FSTL4: variants seen among roughly 807,000 people sequenced by gnomAD.
FSTL4 encodes follistatin like 4, also known as follistatin-related protein 4.
In FSTL4, 28 loss-of-function variants were observed where a neutral mutation model predicts 78.2. The ratio of observed to expected loss-of-function variants is 0.36; its 90% confidence interval spans 0.27 to 0.49. The LOEUF (loss-of-function observed/expected upper bound fraction) is 0.49, where lower values mean the gene tolerates loss of function less well. FSTL4 is among the 20% of genes least tolerant of loss of function. The pLI, the probability that FSTL4 is intolerant of heterozygous loss-of-function variation, is 0.98. For missense variants in FSTL4, 922 were observed against 1,084.9 expected (o/e 0.85, Z 2.11); for synonymous variants, 422 against 440.5 (o/e 0.96, Z 0.53).
At chr5:133,769,121 C>T in the FSTL4 span, among the ~76,000 whole-genome samples, 2 of 152,202 alleles carry the variant, frequency 1.3e-5, no homozygotes, top group Admixed American at 1.3e-4. Context: ...CCACATGTAC[C>T]TAAATCTTCT....
intron 2 of FSTL4, among the ~76,000 whole-genome samples, chr5:133,582,326 C>T (rs1285198634): frequency 1.3e-5 from 2 of 152,206 alleles, no homozygotes; most frequent in African/African-American, 4.8e-5. Context: ...TGGCATTAAC[C>T]TCCAGGAGCT....
chr5:133,695,901 C>A, the FSTL4 span, among the ~76,000 whole-genome samples: 6 of 152,208 alleles, frequency 3.9e-5, no homozygotes, highest in Non-Finnish European at 8.8e-5. Flanking sequence ...AAGTGGAGCC[C>A]AGGTTCCAAT....
the FSTL4 span, among the ~76,000 whole-genome samples, chr5:133,637,496 C>T: frequency 6.6e-6 from 1 of 152,098 alleles, no homozygotes; most frequent in Non-Finnish European, 1.5e-5. Flanking sequence ...ATGGAAGTTG[C>T]AGCCCAGTAA....
intron 6 of FSTL4, among the ~76,000 whole-genome samples, chr5:133,293,954 C>A (rs575802585): frequency 6.6e-6 from 1 of 152,278 alleles, no homozygotes; most frequent in Admixed American, 6.5e-5. Context: ...TTGTCCATGG[C>A]ACGGGACGAG....
chr5:133,442,225 C>T (rs1757173944), intron 3 of FSTL4, among the ~76,000 whole-genome samples: 1 of 152,212 alleles, frequency 6.6e-6, no homozygotes, highest in Non-Finnish European at 1.5e-5. Flanking sequence ...ATGTCCGTGC[C>T]ATGGGATAAC....
chr5:133,469,675 T>C (rs775070013), intron 3 of FSTL4, among the ~76,000 whole-genome samples: 11 of 152,154 alleles, frequency 7.2e-5, no homozygotes, highest in Non-Finnish European at 1.5e-4. Flanking sequence ...GAGACTCAAT[T>C]ACAATGTCTT....
intron 3 of FSTL4, among the ~76,000 whole-genome samples, chr5:133,545,388 G>C (rs1759555540): frequency 6.6e-6 from 1 of 152,154 alleles, no homozygotes; most frequent in South Asian, 2.1e-4. Flanking sequence ...AGTTACAAGA[G>C]TGTGTTATTA....
At chr5:133,565,526 G>A (rs1277964742) in intron 3 of FSTL4, among the ~76,000 whole-genome samples, 2 of 152,200 alleles carry the variant, frequency 1.3e-5, no homozygotes, top group Non-Finnish European at 2.9e-5. Flanking sequence ...TTTCTGTGAT[G>A]TTAGAACAAA....
At chr5:133,231,703 T>C (rs1041421746) in intron 8 of FSTL4, among the ~76,000 whole-genome samples, 6 of 152,034 alleles carry the variant, frequency 3.9e-5, no homozygotes, top group Non-Finnish European at 8.8e-5. Context: ...CCACCACACA[T>C]GGCTAATTTT....
the FSTL4 span, among the ~76,000 whole-genome samples, chr5:133,663,703 T>C: frequency 1.3e-4 from 20 of 152,190 alleles, no homozygotes; most frequent in African/African-American, 4.8e-4. Context: ...ATAGAGAAGT[T>C]TGAGCAAGGA....
At chr5:133,582,842 G>A (rs1760451057) in intron 2 of FSTL4, among the ~76,000 whole-genome samples, 1 of 152,132 alleles carries the variant, frequency 6.6e-6, no homozygotes, top group South Asian at 2.1e-4. Flanking sequence ...TATGTCCCTG[G>A]GCTATCCCTG....
intron 3 of FSTL4, among the ~76,000 whole-genome samples, chr5:133,463,882 G>A (rs921645048): frequency 6.6e-6 from 1 of 152,248 alleles, no homozygotes; most frequent in Admixed American, 6.5e-5. Context: ...AGCAAAGTTA[G>A]GTGGAGGCTG....
chr5:133,663,615 T>G, the FSTL4 span, among the ~76,000 whole-genome samples: 1 of 152,238 alleles, frequency 6.6e-6, no homozygotes, highest in Non-Finnish European at 1.5e-5. Context: ...CTCATTGTCA[T>G]GACATGCCTT....
the FSTL4 span, among the ~76,000 whole-genome samples, chr5:133,786,164 G>A: frequency 7.9e-5 from 12 of 152,156 alleles, no homozygotes; most frequent in Non-Finnish European, 1.5e-5. Flanking sequence ...TACTTTCCAA[G>A]TGGCCTTTTC....
At chr5:133,766,602 C>T in the FSTL4 span, among the ~76,000 whole-genome samples, 4 of 152,172 alleles carry the variant, frequency 2.6e-5, no homozygotes, top group East Asian at 7.7e-4. Context: ...CTGTGGGGTA[C>T]TGTGCTACTG....
At chr5:133,431,893 T>C (rs556553933) in intron 3 of FSTL4, among the ~76,000 whole-genome samples, 2 of 152,240 alleles carry the variant, frequency 1.3e-5, no homozygotes, top group African/African-American at 4.8e-5. Flanking sequence ...ATAATTACAA[T>C]AGTGATACTA....
At chr5:133,701,530 T>G in the FSTL4 span, among the ~76,000 whole-genome samples, 2 of 129,466 alleles carry the variant, frequency 1.5e-5, no homozygotes, top group African/African-American at 2.9e-5. Flanking sequence ...CAGCCTCAGG[T>G]TCCCTGAATG....
intron 4 of FSTL4, among the ~76,000 whole-genome samples, chr5:133,375,142 G>A (rs148469280): frequency 6.0e-5 from 9 of 151,004 alleles, no homozygotes; most frequent in African/African-American, 2.2e-4. Flanking sequence ...TCTCCTGAAG[G>A]GATTCTCTGC....
chr5:133,443,620 C>G (rs1757204659), intron 3 of FSTL4, among the ~76,000 whole-genome samples: 1 of 152,196 alleles, frequency 6.6e-6, no homozygotes, highest in Non-Finnish European at 1.5e-5. Flanking sequence ...TGCTCTGACT[C>G]CTCCTAGTCA....
Sources: gnomAD v4.1 joint callset for allele counts (sites outside exome capture counted in the v4.1 genomes callset) on GRCh38, gnomAD v4.1.1 for gene constraint, MANE v1.5 for transcripts, NCBI Gene and HGNC (gene_info 2026-07-23, HGNC 2026-07-21) for gene names.